Variants in GNG2 observed in about 807,000 individuals in gnomAD.
GNG2 encodes the protein guanine nucleotide-binding protein G(I)/G(S)/G(O) subunit gamma-2.
In GNG2, 5 loss-of-function variants were observed where a neutral mutation model predicts 5.5. That is an observed-to-expected ratio of 0.91 (90% CI 0.48 to 1.92). The LOEUF (loss-of-function observed/expected upper bound fraction) is 1.92, where lower values mean the gene tolerates loss of function less well. Among genes scored for constraint, GNG2 ranks in the 30% most tolerant of loss-of-function variants. The pLI is 0.01. For synonymous variants in GNG2, 28 were observed against 32.0 expected (o/e 0.88, Z 0.42); for missense variants, 55 against 88.4 (o/e 0.62, Z 1.52).
At chr14:51,887,240 C>A (rs34701338) in intron 2 of GNG2, among the ~76,000 whole-genome samples, 15,112 of 152,122 alleles carry the variant, frequency 0.099, 1,298 homozygotes, top group African/African-American at 0.23. Flanking sequence ...CTAGCTGGAC[C>A]CCTCAGAGCA....
At chr14:51,959,003 A>C (rs1379371096) in intron 3 of GNG2, among the ~76,000 whole-genome samples, 2 of 152,186 alleles carry the variant, frequency 1.3e-5, no homozygotes, top group Non-Finnish European at 2.9e-5. Flanking sequence ...TCTTGGCAGC[A>C]TTTGACATGA....
At position 51,910,700 on chromosome 14, in the gene GNG2, A is replaced by G. The variant is rs183826112; in HGVS notation, c.-30+33043A>G. On this transcript the variant is annotated intron_variant, in intron 2 of 3. Coordinates refer to ENST00000556766, the MANE Select transcript of GNG2 (RefSeq NM_053064.5). ...GCCTACTTTTACCCTCATGGACTTAAAAGTCTGTGCCCCACTTTGCCTTTC... is the reference window on the plus strand; with the variant it reads ...GCCTACTTTTACCCTCATGGACTTAGAAGTCTGTGCCCCACTTTGCCTTTC... Among the ~76,000 whole-genome samples the G allele has an allele frequency of 6.0e-4, 91 of 152,302 alleles. 1 individual carries two copies. Among genetic ancestry groups the G allele is most frequent in the Admixed American group, 1.2e-3 (18 of 15,296 alleles).
intron 3 of GNG2, among the ~76,000 whole-genome samples, chr14:51,954,678 G>A (rs563872563): frequency 9.2e-5 from 14 of 152,284 alleles, no homozygotes; most frequent in African/African-American, 2.6e-4. Context: ...CGAGTGCTCC[G>A]TCACCTGTCT....
intron 2 of GNG2, chr14:51,917,320 A>G (rs542407553): frequency 1.2e-3 from 566 of 455,830 alleles, no homozygotes; most frequent in Non-Finnish European, 2.0e-3. Context: ...CAATTTTTCC[A>G]TAGCTGTACT....
Position 51,956,970 on chromosome 14 carries a change from C to T in GNG2, c.87+6205C>T, listed in dbSNP as rs540386461. 2.0e-5 allele frequency among the ~76,000 whole-genome samples: 3 copies of T among 152,150 alleles called. No homozygotes were observed. In the East Asian group the frequency reaches 5.8e-4, roughly 29 times the overall value. On this transcript the variant is annotated intron_variant, in intron 3 of 3. Transcript: ENST00000556766. ...TTTTTTGGAGCCTAGACTCACAGTC[C>T]GGTAGCCTTCATTGAAGCTGTCTAG...
chr14:51,946,268 T>A (rs959790241), intron 2 of GNG2, among the ~76,000 whole-genome samples: 2 of 152,202 alleles, frequency 1.3e-5, no homozygotes, highest in Non-Finnish European at 2.9e-5. Context: ...GATTGTCTAT[T>A]GTGGACCACG....
intron 2 of GNG2, among the ~76,000 whole-genome samples, chr14:51,854,118 C>T (rs1267693127): frequency 1.3e-5 from 2 of 152,148 alleles, no homozygotes; most frequent in East Asian, 3.9e-4. Flanking sequence ...AGGTGATCTG[C>T]CTGCCTTGGC....
intron 2 of GNG2, among the ~76,000 whole-genome samples, chr14:51,837,638 C>A: frequency 8.0e-6 from 1 of 124,804 alleles, no homozygotes; most frequent in African/African-American, 3.0e-5. Context: ...CAGGGTGAGA[C>A]TCCGTTTCAA....
At chr14:51,864,700 T>A (rs1006944807) in intron 1 of GNG2, among the ~76,000 whole-genome samples, 16 of 152,186 alleles carry the variant, frequency 1.1e-4, no homozygotes, top group African/African-American at 3.6e-4. Flanking sequence ...ACTGGAGAGC[T>A]GTTTCTTCAG....
intron 3 of GNG2, chr14:51,952,098 A>G (rs866908797): frequency 4.5e-5 from 26 of 579,922 alleles, no homozygotes; most frequent in Middle Eastern, 7.0e-4. Flanking sequence ...CCACTGTCCT[A>G]TGGGAAGGAG....
intron 2 of GNG2, among the ~76,000 whole-genome samples, chr14:51,880,981 A>AAC (rs1566661613): frequency 2.0e-5 from 3 of 150,956 alleles, no homozygotes; most frequent in Non-Finnish European, 4.4e-5. Context: ...AAAAAAAAAA[A>AAC]AAAAAAACCC....
At chr14:51,926,259 G>A (rs1437752606) in intron 2 of GNG2, among the ~76,000 whole-genome samples, 2 of 152,088 alleles carry the variant, frequency 1.3e-5, no homozygotes, top group South Asian at 2.1e-4. Context: ...CTTCACCAAG[G>A]CACATTTAAG....
intron 2 of GNG2, among the ~76,000 whole-genome samples, chr14:51,919,544 C>A (rs146025450): frequency 1.3e-5 from 2 of 152,264 alleles, no homozygotes; most frequent in Non-Finnish European, 2.9e-5. Flanking sequence ...ATACATGTAT[C>A]CCCAATTTTG....
chr14:51,877,687 A>C (rs1380645104), intron 2 of GNG2, 30 bp downstream of exon 2: 3 of 452,386 alleles, frequency 6.6e-6, no homozygotes, highest in African/African-American at 6.0e-5. Flanking sequence ...TTCTTCTAGA[A>C]TCTTGAATTT....
At chr14:51,949,937 G>A (rs1888876673) in intron 2 of GNG2, among the ~76,000 whole-genome samples, 1 of 152,118 alleles carries the variant, frequency 6.6e-6, no homozygotes, top group Non-Finnish European at 1.5e-5. Context: ...CTCGCAATCT[G>A]CCTAGGAACA....
chr14:51,935,713 A>T (rs1345708956), intron 2 of GNG2, among the ~76,000 whole-genome samples: 1 of 151,212 alleles, frequency 6.6e-6, no homozygotes, highest in Non-Finnish European at 1.5e-5. Context: ...TAATTGGCTC[A>T]CAGTTCTGCA....
At chr14:51,851,630 T>A (rs1009596414) in intron 2 of GNG2, among the ~76,000 whole-genome samples, 1 of 152,260 alleles carries the variant, frequency 6.6e-6, no homozygotes, top group African/African-American at 2.4e-5. Context: ...CTGATGACTG[T>A]CATAGATGGT....
chr14:51,911,347 G>A (rs1886279858), intron 2 of GNG2, among the ~76,000 whole-genome samples: 1 of 152,168 alleles, frequency 6.6e-6, no homozygotes, highest in South Asian at 2.1e-4. Context: ...GAATGAAATA[G>A]TCCCTAACCA....
At chr14:51,930,516 A>G (rs1014220041) in intron 2 of GNG2, among the ~76,000 whole-genome samples, 2 of 152,212 alleles carry the variant, frequency 1.3e-5, no homozygotes, top group African/African-American at 4.8e-5. Flanking sequence ...TGGTCACGTC[A>G]CCTGATCTCT....
Sources: gnomAD v4.1 joint callset for allele counts (sites outside exome capture counted in the v4.1 genomes callset) on GRCh38, gnomAD v4.1.1 for gene constraint, MANE v1.5 for transcripts, NCBI Gene and HGNC (gene_info 2026-07-23, HGNC 2026-07-21) for gene names.